The following CDC14B variants were observed in gnomAD, a reference collection of about 807,000 sequenced individuals.
CDC14B encodes the protein cell division cycle 14B.
Under a neutral mutation model 64.2 loss-of-function variants are expected in CDC14B, and 22 were observed. The ratio of observed to expected loss-of-function variants is 0.34; its 90% CI spans 0.24 to 0.49. The LOEUF is 0.49. Among genes scored for constraint, CDC14B ranks in the 20% least tolerant of loss-of-function variants. CDC14B has a pLI of 0.99. For missense variants in CDC14B, 498 were observed against 629.9 expected (o/e 0.79, Z 2.24); for synonymous variants, 191 against 215.8 (o/e 0.89, Z 1.01).
intron 1 of CDC14B, among the ~76,000 whole-genome samples, chr9:96,574,529 AG>A (rs1300553065): frequency 6.6e-6 from 1 of 152,020 alleles, no homozygotes; most frequent in African/African-American, 2.4e-5. Flanking sequence ...TTAGTGAAAC[AG>A]GGATGGATTT....
intron 1 of CDC14B, among the ~76,000 whole-genome samples, chr9:96,616,821 G>T (rs1005771272): frequency 1.2e-4 from 18 of 152,074 alleles, no homozygotes; most frequent in African/African-American, 4.1e-4. Flanking sequence ...GGAAAAACAC[G>T]TTGAGAAGGA....
At chr9:96,525,674 C>A (rs912040969) in intron 9 of CDC14B, among the ~76,000 whole-genome samples, 2 of 152,350 alleles carry the variant, frequency 1.3e-5, no homozygotes, top group Admixed American at 6.5e-5. Context: ...GCTCTTTCTT[C>A]TGGTTTCTCC....
chr9:96,576,755 A>G (rs1844835826), intron 1 of CDC14B, among the ~76,000 whole-genome samples: 1 of 152,166 alleles, frequency 6.6e-6, no homozygotes, highest in Non-Finnish European at 1.5e-5. Flanking sequence ...ATCCATAATC[A>G]TAGAAGACTA....
chr9:96,612,218 G>A (rs530926396), intron 1 of CDC14B, among the ~76,000 whole-genome samples: 21 of 152,310 alleles, frequency 1.4e-4, no homozygotes, highest in African/African-American at 3.8e-4. Context: ...CCCTGAGCTC[G>A]CTCTCAGAAG....
chr9:96,611,144 G>A (rs1215894815), intron 1 of CDC14B, among the ~76,000 whole-genome samples: 3 of 139,924 alleles, frequency 2.1e-5, no homozygotes. Flanking sequence ...ATAAACTAGA[G>A]AGTCCAGATG....
At position 96,503,557 on chromosome 9, in the gene CDC14B, C is replaced by T; in HGVS notation, c.*196G>A. On this transcript the variant is annotated 3_prime_UTR_variant, in exon 14 of 14. Coordinates refer to ENST00000375241, the MANE Select transcript of CDC14B (RefSeq NM_033331.4). ...CATTCAGCTTGAGAGCTGGACCCTT[C>T]TCTGAGTCATTTGCTTGCACCCAAA... is the stretch of plus-strand genomic sequence containing the variant. 1 of 596,542 alleles carries T rather than the reference C, an allele frequency of 1.7e-6. No homozygotes were observed. The highest frequency in any genetic ancestry group is 3.0e-6 in the Non-Finnish European group (1 of 337,508). 37.0% of individuals were successfully genotyped at this position (596,542 alleles called of 1,614,324 possible).
At chr9:96,527,313 G>A (rs1241354758) in intron 9 of CDC14B, among the ~76,000 whole-genome samples, 5 of 152,098 alleles carry the variant, frequency 3.3e-5, no homozygotes, top group African/African-American at 9.7e-5. Context: ...GCAGGAGAAT[G>A]GCGTGAACCT....
At chr9:96,507,768 C>A (rs1296007204) in intron 13 of CDC14B, among the ~76,000 whole-genome samples, 1 of 151,940 alleles carries the variant, frequency 6.6e-6, no homozygotes, top group Non-Finnish European at 1.5e-5. Context: ...ACTCCCATTT[C>A]CCTTCATTTA....
At chr9:96,611,109 A>T (rs1847288054) in intron 1 of CDC14B, among the ~76,000 whole-genome samples, 1 of 151,700 alleles carries the variant, frequency 6.6e-6, no homozygotes, top group African/African-American at 2.4e-5. Flanking sequence ...AAAAAGAGAG[A>T]GAGAAAAGGG....
rs142108565 is a variant in CDC14B, at chr9:96,534,120, A to G, written c.753T>C (p.Tyr251=). 3.7e-6 allele frequency: 6 copies of G among 1,609,658 alleles called. No homozygotes were observed. The highest frequency in any genetic ancestry group is 4.2e-6 in the Non-Finnish European group (5 of 1,176,744). The change falls in exon 9 of 14, where the codon TAT becomes TAC. Residue 251 remains tyrosine, a synonymous_variant. Coordinates refer to ENST00000375241, the MANE Select transcript of CDC14B (RefSeq NM_033331.4). The part of the protein sequence containing the change: ...HQHSPETYIQ[Y]FKNHNVTTII... Reference sequence around the variant, plus strand: ...TGGTAGTAACATTGTGATTCTTAAAATATTGAATATAAGTCTCAGGAGAAT... The same window carrying G: ...TGGTAGTAACATTGTGATTCTTAAAGTATTGAATATAAGTCTCAGGAGAAT...
chr9:96,498,584 C>T (rs1185018500), downstream of CDC14B, among the ~76,000 whole-genome samples: 1 of 152,222 alleles, frequency 6.6e-6, no homozygotes, highest in Non-Finnish European at 1.5e-5. Flanking sequence ...ACACCATTAC[C>T]TGTGCATAAA....
chr9:96,596,378 A>AC (rs1218611258), intron 1 of CDC14B, among the ~76,000 whole-genome samples: 2 of 150,998 alleles, frequency 1.3e-5, no homozygotes, highest in African/African-American at 4.9e-5. Flanking sequence ...AAAAAAAAAA[A>AC]AACACACAAA....
At position 96,584,145 on chromosome 9, in the gene CDC14B, A is replaced by G. The variant is rs561660149; in HGVS notation, c.161-18662T>C. ...AATGCAAGAGCTAAGCTTTCAGGAC[A>G]GGACGAATCATCTGTTTTGTGCCTG... On this transcript the variant is annotated intron_variant, in intron 1 of 13. Transcript: ENST00000375241. 9.2e-5 allele frequency among the ~76,000 whole-genome samples: 14 copies of G among 152,352 alleles called. No homozygotes were observed. In the South Asian group the frequency reaches 1.9e-3, roughly 20 times the overall value.
intron 13 of CDC14B, among the ~76,000 whole-genome samples, chr9:96,506,394 T>C (rs1834134423): frequency 6.6e-6 from 1 of 152,156 alleles, no homozygotes; most frequent in Non-Finnish European, 1.5e-5. Context: ...CTTGGCTAAC[T>C]CCAATTCTTA....
intron 13 of CDC14B, among the ~76,000 whole-genome samples, chr9:96,494,697 T>C (rs1319418160): frequency 6.6e-6 from 1 of 150,742 alleles, no homozygotes; most frequent in Non-Finnish European, 1.5e-5. Flanking sequence ...CTGAGCACTC[T>C]TTTCTTTCTT....
intron 1 of CDC14B, among the ~76,000 whole-genome samples, chr9:96,599,033 GT>G (rs1187418231): frequency 6.6e-6 from 1 of 152,044 alleles, no homozygotes; most frequent in Non-Finnish European, 1.5e-5. Flanking sequence ...AAATTATGCC[GT>G]ATCTTATAAT....
At chr9:96,604,906 G>A (rs1463123117) in intron 1 of CDC14B, among the ~76,000 whole-genome samples, 2 of 152,036 alleles carry the variant, frequency 1.3e-5, no homozygotes, top group Admixed American at 1.3e-4. Flanking sequence ...CTGACCTCAG[G>A]TGATCTACCC....
At chr9:96,587,470 C>A (rs1214473115) in intron 1 of CDC14B, among the ~76,000 whole-genome samples, 1 of 152,216 alleles carries the variant, frequency 6.6e-6, no homozygotes, top group Non-Finnish European at 1.5e-5. Context: ...AGGGCCTTTG[C>A]TGCCAAGAGC....
chr9:96,612,839 T>C (rs1159168648), intron 1 of CDC14B, among the ~76,000 whole-genome samples: 2 of 152,208 alleles, frequency 1.3e-5, no homozygotes, highest in African/African-American at 2.4e-5. Flanking sequence ...CATTTGCACA[T>C]ATTCATTATG....
Sources: gnomAD v4.1 joint callset for allele counts (sites outside exome capture counted in the v4.1 genomes callset) on GRCh38, gnomAD v4.1.1 for gene constraint, MANE v1.5 for transcripts, NCBI Gene and HGNC (gene_info 2026-07-23, HGNC 2026-07-21) for gene names.